The following ZSWIM5 variants were observed in gnomAD, a reference collection of about 807,000 sequenced individuals.
The protein encoded by ZSWIM5 is zinc finger SWIM domain-containing protein 5.
In ZSWIM5, 55 loss-of-function variants were observed where a neutral mutation model predicts 119.6. That is an observed-to-expected ratio of 0.46 (90% CI 0.37 to 0.58). The LOEUF (loss-of-function observed/expected upper bound fraction) is 0.58, where lower values mean the gene tolerates loss of function less well. ZSWIM5 is among the 20% of genes least tolerant of loss of function. The probability of loss-of-function intolerance (pLI) is 0.00; values close to 1 mark genes in which losing one functional copy is unlikely to be tolerated. For synonymous variants in ZSWIM5, 537 were observed against 606.9 expected, an observed-to-expected ratio of 0.88 and a Z score of 1.69; for missense variants, 1,193 against 1,512.8, an observed-to-expected ratio of 0.79 and a Z score of 3.51.
At chr1:45,069,981 C>G (rs1021191943) in intron 2 of ZSWIM5, 2 of 714,382 alleles carry the variant, frequency 2.8e-6, no homozygotes, top group Non-Finnish European at 5.2e-6. Context: ...TGCAGTCTAA[C>G]CCATCAGATA....
At position 45,206,585 on chromosome 1, in the gene ZSWIM5, G is replaced by C. The variant is rs1378069854; in HGVS notation, c.-235C>G. ...AGCGTGAGGCGGCGCGCGGTGTCCTGGCCGCCGCGGACGCGAAGACAGGCG... is the reference window on the plus strand; with the variant it reads ...AGCGTGAGGCGGCGCGCGGTGTCCTCGCCGCCGCGGACGCGAAGACAGGCG... On this transcript the variant is annotated 5_prime_UTR_variant, in exon 1 of 14. Transcript: ENST00000359600. The C allele has an allele frequency of 1.0e-6, 1 of 970,780 alleles. No individual in the cohort carries two copies. Among genetic ancestry groups the C allele is most frequent in the Admixed American group, 6.1e-5 (1 of 16,392 alleles). The allele number at this position is 970,780 out of a possible 1,614,324, so 60.1% of individuals were successfully genotyped here.
At chr1:45,180,926 C>A (rs1248535274) in intron 1 of ZSWIM5, among the ~76,000 whole-genome samples, 2 of 152,024 alleles carry the variant, frequency 1.3e-5, no homozygotes, top group East Asian at 3.8e-4. Flanking sequence ...CACCAAAAAC[C>A]CATCTGTACA....
intron 1 of ZSWIM5, among the ~76,000 whole-genome samples, chr1:45,119,819 A>G (rs1212332277): frequency 6.6e-6 from 1 of 152,144 alleles, no homozygotes; most frequent in East Asian, 1.9e-4. Context: ...TCATTTTCAC[A>G]TCTCTTCTGA....
intron 1 of ZSWIM5, among the ~76,000 whole-genome samples, chr1:45,111,376 A>G (rs1306109965): frequency 1.3e-5 from 2 of 152,246 alleles, no homozygotes; most frequent in African/African-American, 4.8e-5. Context: ...ACAAAACAGC[A>G]GTGGGAAGGC....
intron 4 of ZSWIM5, among the ~76,000 whole-genome samples, chr1:45,053,753 ACT>A (rs1308197284): frequency 1.1e-5 from 1 of 87,674 alleles, no homozygotes; most frequent in Non-Finnish European, 2.1e-5. Context: ...ACAGAGCGAG[ACT>A]CTGTTTCAAA....
intron 6 of ZSWIM5, among the ~76,000 whole-genome samples, chr1:45,040,841 G>A (rs1645014256): frequency 6.6e-6 from 1 of 152,112 alleles, no homozygotes; most frequent in African/African-American, 2.4e-5. Flanking sequence ...ACCAATGGAG[G>A]TAGCAACTAA....
intron 2 of ZSWIM5, among the ~76,000 whole-genome samples, chr1:45,068,854 G>A (rs1198758008): frequency 7.2e-5 from 9 of 125,128 alleles, no homozygotes; most frequent in Middle Eastern, 5.3e-3. Context: ...AGGCTGGAGT[G>A]CAGTGGTGCC....
At chr1:45,092,909 T>A (rs1645376862) in intron 1 of ZSWIM5, among the ~76,000 whole-genome samples, 1 of 152,246 alleles carries the variant, frequency 6.6e-6, no homozygotes, top group African/African-American at 2.4e-5. Flanking sequence ...CAGCTGCCCA[T>A]ATCACATAGG....
intron 1 of ZSWIM5, among the ~76,000 whole-genome samples, chr1:45,156,063 A>T (rs1413548050): frequency 6.6e-6 from 1 of 152,164 alleles, no homozygotes; most frequent in Non-Finnish European, 1.5e-5. Flanking sequence ...AAGGAAAAAA[A>T]ATTAAAACTC....
intron 1 of ZSWIM5, among the ~76,000 whole-genome samples, chr1:45,164,502 T>C (rs1294209894): frequency 6.6e-6 from 1 of 151,872 alleles, no homozygotes; most frequent in Non-Finnish European, 1.5e-5. Flanking sequence ...GGCTAAATGC[T>C]CCAATTAAAA....
At chr1:45,134,838 G>C (rs1172348140) in intron 1 of ZSWIM5, among the ~76,000 whole-genome samples, 1 of 152,188 alleles carries the variant, frequency 6.6e-6, no homozygotes, top group South Asian at 2.1e-4. Flanking sequence ...TACAATATTT[G>C]TCAATTAGTG....
intron 2 of ZSWIM5, among the ~76,000 whole-genome samples, chr1:45,085,524 G>GTTTTTTTT (rs1387910637): frequency 3.9e-5 from 5 of 128,948 alleles, no homozygotes; most frequent in African/African-American, 1.2e-4. Context: ...AGGTTAGTTT[G>GTTTTTTTT]TTTGTTTTTT....
chr1:45,200,100 T>C (rs948130889), intron 1 of ZSWIM5, among the ~76,000 whole-genome samples: 7 of 152,084 alleles, frequency 4.6e-5, no homozygotes, highest in African/African-American at 1.7e-4. Context: ...TACACAAATA[T>C]AAAAAATGAT....
intron 11 of ZSWIM5, among the ~76,000 whole-genome samples, chr1:45,030,111 G>A (rs1031757237): frequency 6.6e-6 from 1 of 151,776 alleles, no homozygotes; most frequent in Non-Finnish European, 1.5e-5. Flanking sequence ...TGTCCCGCTA[G>A]TTTTTAAATT....
At position 45,060,080 on chromosome 1, in the gene ZSWIM5, A is replaced by G. The variant is rs1645144247; in HGVS notation, c.1101+19T>C. On this transcript the variant is annotated intron_variant, in intron 3 of 13. Transcript: ENST00000359600. ...TTCTTTTGTCAACAACAAAAGAAAA[A>G]CACCTTTTCATATCTTACCTTGGCA... is the stretch of plus-strand genomic sequence containing the variant. 8 of 1,613,576 alleles carry G rather than the reference A, an allele frequency of 5.0e-6. No homozygotes were observed. Among genetic ancestry groups the G allele is most frequent in the Non-Finnish European group, 6.8e-6 (8 of 1,179,758 alleles).
At chr1:45,077,692 T>C (rs1357855790) in intron 2 of ZSWIM5, among the ~76,000 whole-genome samples, 1 of 152,194 alleles carries the variant, frequency 6.6e-6, no homozygotes, top group Non-Finnish European at 1.5e-5. Context: ...GGGAGCGCTA[T>C]GGGAGACTGG....
Position 45,018,198 on chromosome 1 carries a change from A to G in ZSWIM5, c.*256T>C. The G allele has an allele frequency of 1.8e-6, 1 of 547,370 alleles. No homozygotes were observed. The highest frequency in any genetic ancestry group is 2.2e-5 in the South Asian group (1 of 45,774). 33.9% of individuals were successfully genotyped at this position (547,370 alleles called of 1,614,324 possible). On this transcript the variant is annotated 3_prime_UTR_variant, in exon 14 of 14. Transcript: ENST00000359600. This position sits in a 1 kb window ranked among gnomAD's most constrained non-coding sequence, Gnocchi z 6.7. Reference sequence around the variant, plus strand: ...AGGACACGCAGGATATAGGGGCATGAGGTGGCATGTTGTGGGGTTTCTGGT... The same window carrying G: ...AGGACACGCAGGATATAGGGGCATGGGGTGGCATGTTGTGGGGTTTCTGGT...
At chr1:45,139,342 G>A (rs56805026) in intron 1 of ZSWIM5, among the ~76,000 whole-genome samples, 200 of 151,228 alleles carry the variant, frequency 1.3e-3, no homozygotes, top group African/African-American at 4.5e-3. Context: ...TACCATGGTG[G>A]CTAATTTCTC....
chr1:45,199,499 C>G (rs1646146827), intron 1 of ZSWIM5, among the ~76,000 whole-genome samples: 1 of 152,132 alleles, frequency 6.6e-6, no homozygotes, highest in South Asian at 2.1e-4. Context: ...CGTGGTTTCA[C>G]CATGTTGGCC....
Sources: gnomAD v4.1 joint callset for allele counts (sites outside exome capture counted in the v4.1 genomes callset) on GRCh38, gnomAD v4.1.1 for gene constraint, Gnocchi (gnomAD v3.1) non-coding constraint, MANE v1.5 for transcripts, NCBI Gene and HGNC (gene_info 2026-07-23, HGNC 2026-07-21) for gene names.